MYH6: variants seen among roughly 807,000 people sequenced by gnomAD.
MYH6 encodes the protein myosin-6.
Under a neutral mutation model 223.2 loss-of-function variants are expected in MYH6, and 126 were observed. That is an observed-to-expected ratio of 0.56 (90% CI 0.49 to 0.65). The LOEUF (loss-of-function observed/expected upper bound fraction) is 0.65, where lower values mean the gene tolerates loss of function less well. MYH6 is among the 30% of genes least tolerant of loss of function. The pLI, the probability that MYH6 is intolerant of heterozygous loss-of-function variation, is 0.00. For synonymous variants in MYH6, 978 were observed against 1,010.2 expected (o/e 0.97, Z 0.61); for missense variants, 2,040 against 2,536.4 (o/e 0.80, Z 4.20).
chr14:23,382,112 G>T, intron 38 of MYH6, 49 bp from the exon 39 acceptor site: 1 of 1,544,442 alleles, frequency 6.5e-7, no homozygotes, highest in Non-Finnish European at 9.0e-7. Context: ...AGAGGGAGAA[G>T]TGTGTGGGGA....
In MYH6 at chr14:23,396,312, T is replaced by G. The variant is rs75487328; in HGVS notation, c.2401A>C (p.Ile801Leu). 6.2e-7 allele frequency: 1 copy of G among 1,614,154 alleles called. No homozygotes were observed. The highest frequency in any genetic ancestry group is 2.2e-5 in the East Asian group (1 of 44,886). The change falls in exon 20 of 39, where the codon ATT (isoleucine) becomes CTT (leucine). Residue 801 changes from isoleucine to leucine, a missense_variant. Physicochemically the swap from Ile to Leu is conservative, Grantham distance 5. Transcript: ENST00000405093. ...CGTTCCACTATCTTCTTGAACTCAA[T>G]GCGCATGAGCTGGCCCCGGGCTTGG... is the stretch of plus-strand genomic sequence containing the variant. ...QAQARGQLMR[I>L]EFKKIVERRD... is the part of the protein sequence containing the mutation.
rs775733218 is a variant in MYH6 at position 23,405,329 on chromosome 14, C to CGTA, written c.395_396insTAC (p.Pro132_Val133insThr). 1.9e-6 allele frequency: 3 copies of CGTA among 1,614,128 alleles called. No homozygotes were observed. In the South Asian group the frequency reaches 3.3e-5, roughly 18 times the overall value. On this transcript the variant is annotated inframe_insertion, in exon 5 of 39. Coordinates refer to ENST00000405093, the MANE Select transcript of MYH6 (RefSeq NM_002471.4). This position sits in a 1 kb window ranked among gnomAD's most constrained non-coding sequence, Gnocchi z 4.7. ...CGGCCACCACCTCGGCATTGTACAC[C>CGTA]GGCAGCCACTTGTAGGGGTTGACAG...
chr14:23,388,501 G>T, intron 29 of MYH6, 163 bp from the exon 30 acceptor site: 1 of 1,185,472 alleles, frequency 8.4e-7, no homozygotes, highest in Non-Finnish European at 1.3e-6. Flanking sequence ...CCGCCAGCAC[G>T]GGCTGCCCAG....
At chr14:23,393,302 A>G in intron 23 of MYH6, 40 bp downstream of exon 23, 5 of 1,613,598 alleles carry the variant, frequency 3.1e-6, no homozygotes, top group Non-Finnish European at 4.2e-6. Flanking sequence ...TGCCTGCAAA[A>G]TCTTGCTCTG....
In MYH6 at chr14:23,389,738, G is replaced by A. The variant is rs753409868; in HGVS notation, c.3733-19C>T. On this transcript the variant is annotated intron_variant, in intron 26 of 38. Coordinates refer to ENST00000405093, the MANE Select transcript of MYH6 (RefSeq NM_002471.4). ...GGTTTGCCTTCAGGAAGCAAGACAGGAAGGGTGAGTGTGGGAGGGGCTGAG... is the reference window on the plus strand; with the variant it reads ...GGTTTGCCTTCAGGAAGCAAGACAGAAAGGGTGAGTGTGGGAGGGGCTGAG... 6.2e-6 allele frequency: 10 copies of A among 1,614,084 alleles called. No individual in the cohort carries two copies. The Admixed American group carries it at 1.5e-4, about 24-fold the overall frequency.
At chr14:23,404,238 A>G in intron 8 of MYH6, 58 bp downstream of exon 8, 4 of 1,580,800 alleles carry the variant, frequency 2.5e-6, no homozygotes, top group South Asian at 1.1e-5. Context: ...GCAAAACAGC[A>G]CCCCCTTTTT....
chr14:23,382,664 T>A, intron 37 of MYH6, 102 bp from the exon 38 acceptor site: 26 of 1,557,500 alleles, frequency 1.7e-5, no homozygotes, highest in Non-Finnish European at 2.2e-5. Context: ...GAGGCACCCA[T>A]ACCTCATGCA....
At position 23,397,013 on chromosome 14, in the gene MYH6, G is replaced by A. The variant is rs762591497; in HGVS notation, c.2118C>T (p.Ile706=). ...TGCGGTTGGGGAAGCCCTTCCTGCA[G>A]ATGCGGATGCCCTCCAGCACGCCAT... The part of the protein sequence containing the change: ...RCNGVLEGIR[I]CRKGFPNRIL... The change falls in exon 18 of 39, where the codon ATC becomes ATT. Residue 706 remains isoleucine (I), a synonymous_variant. Coordinates refer to ENST00000405093, the MANE Select transcript of MYH6 (RefSeq NM_002471.4). The A allele has an allele frequency of 1.2e-6, 2 of 1,613,920 alleles. No individual in the cohort carries two copies. The highest frequency in any genetic ancestry group is 1.1e-5 in the South Asian group (1 of 91,070).
chr14:23,385,930 G>A lies in MYH6; in HGVS notation c.5161C>T (p.Gln1721Ter), dbSNP rs2138583963. Residue 1721 changes from glutamine (Q) to a stop codon, truncating the protein, a stop_gained and splice_region_variant, in exon 34 of 39, where the codon CAG (glutamine) becomes TAG (stop). Coordinates refer to ENST00000405093, the MANE Select transcript of MYH6 (RefSeq NM_002471.4). LOFTEE classifies it high-confidence loss of function. ...TSERVQLLHS[Q>*]NTSLINQKKK... Reference sequence around the variant, plus strand: ...AAGGTGGCTCCTGACCCCCTCACCTGGGAATGCAGCAGCTGCACCCGCTCG... The same window carrying A: ...AAGGTGGCTCCTGACCCCCTCACCTAGGAATGCAGCAGCTGCACCCGCTCG... 2 of 1,614,144 alleles carry A rather than the reference G, an allele frequency of 1.2e-6. No homozygotes were observed. The highest frequency in any genetic ancestry group is 1.7e-6 in the Non-Finnish European group (2 of 1,180,024).
In MYH6 at chr14:23,402,468, G is replaced by T; in HGVS notation, c.1137C>A (p.Thr379=). The change falls in exon 12 of 39, where the codon ACC becomes ACA. Residue 379 remains threonine, a synonymous_variant. Transcript: ENST00000405093. ...CTGCCTGCCTGCCCCTCCCACCTTC[G>T]GTGCCGTCTGGCTCCGCCTGCTCCT... is the stretch of plus-strand genomic sequence containing the variant. The part of the protein sequence containing the change: ...QREEQAEPDG[T]EDADKSAYLM... 1.2e-6 allele frequency: 2 copies of T among 1,612,896 alleles called. No homozygotes were observed. The highest frequency in any genetic ancestry group is 8.5e-7 in the Non-Finnish European group (1 of 1,179,936).
At position 23,403,731 on chromosome 14, in the gene MYH6, A is replaced by T. The variant is rs776467222; in HGVS notation, c.783T>A (p.Ser261=). ...IHFGATGKLA[S]ADIETYLLEK... is the part of the protein sequence containing the mutation. ...GGTACTCACAGGTCTCTATGTCTGC[A>T]GAAGCCAGCTTTCCAGTGGCCCCAA... Residue 261 remains serine (S), a synonymous_variant, in exon 9 of 39, where the codon TCT becomes TCA. Transcript: ENST00000405093. 3.7e-6 allele frequency: 6 copies of T among 1,613,024 alleles called. No individual in the cohort carries two copies. The Admixed American group carries it at 1.0e-4, about 27-fold the overall frequency.
In MYH6 at chr14:23,403,516, G is replaced by A. The variant is rs1387687513; in HGVS notation, c.800-70C>T. On this transcript the variant is annotated intron_variant, in intron 9 of 38. Transcript: ENST00000405093. The stretch of plus-strand genomic sequence containing the variant: ...AGTAGAGCCAGAAAAAGGTGGCCAT[G>A]GGGGCAGAGGGCAGGGGGCACCCAC... 2.9e-6 allele frequency: 4 copies of A among 1,365,922 alleles called. No individual in the cohort carries two copies. In the East Asian group the frequency reaches 6.9e-5, roughly 23 times the overall value. The allele number at this position is 1,365,922 out of a possible 1,614,324, so 84.6% of individuals were successfully genotyped here. A position where few individuals can be genotyped will look rare whatever the true frequency, so the allele number is the denominator to read the frequency against.
intron 15 of MYH6, among the ~76,000 whole-genome samples, chr14:23,398,263 G>A (rs547264873): frequency 3.3e-5 from 5 of 152,026 alleles, no homozygotes; most frequent in African/African-American, 7.2e-5. Context: ...TGATCCACCC[G>A]CCTCGGCCTC....
Position 23,407,792 on chromosome 14 carries a change from C to T in MYH6, c.-46-184G>A, listed in dbSNP as rs571256926. On this transcript the variant is annotated intron_variant, in intron 1 of 38. Transcript: ENST00000405093. This position sits in a 1 kb window ranked among gnomAD's most constrained non-coding sequence, Gnocchi z 5.6. Reference sequence around the variant, plus strand: ...CGCAGAGGCAGAAAAGAAAGGGCACCGAGTCAATATGAGTGCGAGGGACGG... The same window carrying T: ...CGCAGAGGCAGAAAAGAAAGGGCACTGAGTCAATATGAGTGCGAGGGACGG... Among the ~76,000 whole-genome samples the T allele has an allele frequency of 4.6e-5, 7 of 152,120 alleles. No individual in the cohort carries two copies. The highest frequency in any genetic ancestry group is 2.1e-4 in the South Asian group (1 of 4,804).
intron 19 of MYH6, 43 bp from the exon 20 acceptor site, chr14:23,396,463 G>A (rs1412190929): frequency 1.2e-6 from 2 of 1,608,868 alleles, no homozygotes; most frequent in East Asian, 4.5e-5. Flanking sequence ...GCCTCAGAGG[G>A]GAGTATCCAG....
rs727505358 is a variant in MYH6, at chr14:23,390,216, G to A, written c.3573C>T (p.Ala1191=). The A allele has an allele frequency of 5.6e-4, 897 of 1,596,748 alleles. 5 individuals carry two copies. The Middle Eastern group carries it at 6.8e-3, about 12-fold the overall frequency. ...EEATLQHEAT[A]AALRKKHADS... is the part of the protein sequence containing the mutation. The stretch of plus-strand genomic sequence containing the variant: ...CGGCGTGCTTCTTGCGCAGGGCCGC[G>A]GCAGTGGCCTCGTGCTGCAGCGTGG... Residue 1191 remains alanine (A), a synonymous_variant, in exon 26 of 39, where the codon GCC becomes GCT. Coordinates refer to ENST00000405093, the MANE Select transcript of MYH6 (RefSeq NM_002471.4).
chr14:23,398,473 G>T (rs949897360), intron 15 of MYH6, among the ~76,000 whole-genome samples: 2 of 152,158 alleles, frequency 1.3e-5, no homozygotes, highest in Non-Finnish European at 2.9e-5. Context: ...GGATGCATGT[G>T]CCACCCTCAC....
At chr14:23,400,069 G>A (rs1350146646) in intron 14 of MYH6, 187 bp downstream of exon 14, 11 of 892,718 alleles carry the variant, frequency 1.2e-5, no homozygotes, top group African/African-American at 3.3e-5. Context: ...AAAGTGCAAG[G>A]TCCTGGGAAA....
intron 20 of MYH6, 69 bp from the exon 21 acceptor site, chr14:23,394,392 A>G: frequency 1.9e-6 from 3 of 1,599,728 alleles, no homozygotes; most frequent in African/African-American, 1.3e-5. Context: ...GGCCCTACTA[A>G]GCAAGTTCGT....
Sources: allele counts gnomAD v4.1 joint callset (sites outside exome capture counted in the v4.1 genomes callset), GRCh38; gene constraint gnomAD v4.1.1; non-coding constraint Gnocchi (gnomAD v3.1); transcripts MANE v1.5; gene names NCBI Gene and HGNC (gene_info 2026-07-23, HGNC 2026-07-21).